SYDE2: variants seen among roughly 807,000 people sequenced by gnomAD.
SYDE2 encodes synapse defective Rho GTPase homolog 2.
SYDE2 carries 76 observed loss-of-function variants against 91.5 expected under a neutral mutation model. The ratio of observed to expected loss-of-function variants is 0.83; its 90% CI spans 0.69 to 1.01. The LOEUF is 1.01. Among genes scored for constraint, SYDE2 ranks in the 50% least tolerant of loss-of-function variants. The probability of loss-of-function intolerance (pLI) is 0.00; values close to 1 mark genes in which losing one functional copy is unlikely to be tolerated. For missense variants in SYDE2, 1,364 were observed against 1,367.7 expected, an observed-to-expected ratio of 1.00 and a Z score of 0.04; for synonymous variants, 513 against 506.4, an observed-to-expected ratio of 1.01 and a Z score of -0.18.
chr1:85,178,094 T>C, intron 4 of SYDE2, 52 bp downstream of exon 4: 1 of 1,379,306 alleles, frequency 7.3e-7, no homozygotes, highest in Non-Finnish European at 9.9e-7. Flanking sequence ...TTATCTTTCT[T>C]GCAGATGTAG....
intron 2 of SYDE2, among the ~76,000 whole-genome samples, 198 bp from the exon 3 acceptor site, chr1:85,183,398 T>A (rs1221506196): frequency 6.6e-6 from 1 of 152,072 alleles, no homozygotes; most frequent in East Asian, 1.9e-4. Context: ...ATTATCCCAA[T>A]TATTTAAAAT....
In SYDE2 at chr1:85,183,155, A is replaced by G; in HGVS notation, c.1487T>C (p.Met496Thr). Reference sequence around the variant, plus strand: ...GCTAGGATTTGGAGAAGATGGTTCCATAATTCCCAATTCAGTACTATTTGT... The same window carrying G: ...GCTAGGATTTGGAGAAGATGGTTCCGTAATTCCCAATTCAGTACTATTTGT... ...AATNSTELGI[M>T]EPSSPNPSPV... The change falls in exon 3 of 7, where the codon ATG (methionine) becomes ACG (threonine). Residue 496 changes from methionine to threonine, a missense_variant. Coordinates refer to ENST00000341460, the MANE Select transcript of SYDE2 (RefSeq NM_032184.2). 6.2e-6 allele frequency: 10 copies of G among 1,601,882 alleles called. No homozygotes were observed. Among genetic ancestry groups the G allele is most frequent in the Non-Finnish European group, 8.5e-6 (10 of 1,176,332 alleles).
rs760248225 is a variant in SYDE2 at position 85,182,620 on chromosome 1, AC to A, written c.2021del (p.Cys674PhefsTer9). On this transcript the variant is annotated frameshift_variant, in exon 3 of 7. Coordinates refer to ENST00000341460, the MANE Select transcript of SYDE2 (RefSeq NM_032184.2). LOFTEE classifies it high-confidence loss of function. ...TCATGAGCCCAGATATGTACTGTGA[AC>A]ACTTAGGTTGATCAGAAAAGCTATA... ...RHYSFSDQPK[C>X]SQYISGLMSV... The A allele has an allele frequency of 6.2e-7, 1 of 1,613,932 alleles. No individual in the cohort carries two copies. The highest frequency in any genetic ancestry group is 8.5e-7 in the Non-Finnish European group (1 of 1,179,848).
chr1:85,194,454 AATAC>A (rs1300392360), intron 1 of SYDE2, among the ~76,000 whole-genome samples: 2 of 147,992 alleles, frequency 1.4e-5, no homozygotes, highest in Non-Finnish European at 3.0e-5. Flanking sequence ...TATATATAAA[AATAC>A]ATACAATATA....
At chr1:85,173,510 T>C (rs1020431145) in intron 4 of SYDE2, among the ~76,000 whole-genome samples, 6 of 152,188 alleles carry the variant, frequency 3.9e-5, no homozygotes, top group African/African-American at 1.4e-4. Context: ...ACACAGTATA[T>C]AGCAGAGTTT....
chr1:85,155,065 A>AG (rs991985238), downstream of SYDE2, among the ~76,000 whole-genome samples: 2 of 151,744 alleles, frequency 1.3e-5, no homozygotes, highest in Admixed American at 6.6e-5. Context: ...AAAGAAAGAA[A>AG]AAAAAAATAG....
At chr1:85,189,633 C>T (rs893781042) in intron 2 of SYDE2, among the ~76,000 whole-genome samples, 2 of 152,094 alleles carry the variant, frequency 1.3e-5, no homozygotes, top group African/African-American at 2.4e-5. Flanking sequence ...GTCAGGAGTT[C>T]AAGACCAGCC....
At chr1:85,180,098 T>C (rs1570253097) in intron 3 of SYDE2, among the ~76,000 whole-genome samples, 1 of 152,156 alleles carries the variant, frequency 6.6e-6, no homozygotes, top group Non-Finnish European at 1.5e-5. Context: ...ATGATCTCCA[T>C]AGCAATTTTT....
rs746383363 is a variant in SYDE2 at position 85,182,763 on chromosome 1, G to A, written c.1879C>T (p.Pro627Ser). 48 of 1,613,690 alleles carry A rather than the reference G, an allele frequency of 3.0e-5. No individual in the cohort carries two copies. The Admixed American group carries it at 7.8e-4, about 26-fold the overall frequency. The change falls in exon 3 of 7, where the codon CCT becomes TCT. Residue 627 changes from proline to serine, a missense_variant. Physicochemically the swap from Pro to Ser is moderately conservative, Grantham distance 74. Transcript: ENST00000341460. Reference protein sequence around the residue: ...KGGYLSDGDSPELTTKASKHG... With the variant: ...KGGYLSDGDSSELTTKASKHG... ...TTGCTAGCTTTAGTTGTAAGTTCAG[G>A]TGAGTCTCCATCACTAAGGTAACCA...
intron 1 of SYDE2, among the ~76,000 whole-genome samples, chr1:85,192,781 A>G (rs1308772695): frequency 6.6e-6 from 1 of 152,136 alleles, no homozygotes; most frequent in Non-Finnish European, 1.5e-5. Flanking sequence ...ATTCAAATTT[A>G]AGCCTGTCTA....
chr1:85,155,833 A>G (rs1656869159), downstream of SYDE2, among the ~76,000 whole-genome samples: 1 of 152,234 alleles, frequency 6.6e-6, no homozygotes, highest in South Asian at 2.1e-4. Context: ...GGAAAACTAT[A>G]CATCTATTAA....
At chr1:85,155,059 AAAG>A (rs1656849732), downstream of SYDE2, among the ~76,000 whole-genome samples, 2 of 149,272 alleles carry the variant, frequency 1.3e-5, no homozygotes, top group Non-Finnish European at 3.0e-5. Flanking sequence ...GAAAGAAAAG[AAAG>A]AAAAAAAAAA....
At chr1:85,185,724 A>G (rs1658110916) in intron 2 of SYDE2, among the ~76,000 whole-genome samples, 1 of 151,948 alleles carries the variant, frequency 6.6e-6, no homozygotes, top group Admixed American at 6.6e-5. Flanking sequence ...TTTTCTAGAT[A>G]TACAATCATG....
Position 85,159,189 on chromosome 1 carries a change from A to G in SYDE2, c.3146T>C (p.Leu1049Pro). 2.6e-6 allele frequency: 2 copies of G among 780,802 alleles called. No individual in the cohort carries two copies. Among genetic ancestry groups the G allele is most frequent in the Non-Finnish European group, 4.8e-6 (2 of 417,976 alleles). The allele number at this position is 780,802 out of a possible 1,614,324, so 48.4% of individuals were successfully genotyped here. A position where few individuals can be genotyped will look rare whatever the true frequency, so the allele number is the denominator to read the frequency against. Residue 1049 changes from leucine (L) to proline (P), a missense_variant, in exon 7 of 7, where the codon CTG becomes CCG. Coordinates refer to ENST00000341460, the MANE Select transcript of SYDE2 (RefSeq NM_032184.2). ...DNLFPEQKSSLNYLRQKKERP... is the reference protein window; with the variant it reads ...DNLFPEQKSSPNYLRQKKERP... ...TTCTTTCTTCTGCCTCAGATAATTC[A>G]GAGAAGACTTCTGCTCTGGGAATAA...
chr1:85,180,369 G>A (rs1055614190), intron 3 of SYDE2, among the ~76,000 whole-genome samples: 1 of 152,002 alleles, frequency 6.6e-6, no homozygotes, highest in Non-Finnish European at 1.5e-5. Context: ...GAAAGAAGCA[G>A]GGGAAACAAA....
intron 4 of SYDE2, among the ~76,000 whole-genome samples, chr1:85,170,214 C>A (rs1374987620): frequency 1.3e-5 from 2 of 151,300 alleles, no homozygotes; most frequent in African/African-American, 4.9e-5. Flanking sequence ...AATCCTCCCA[C>A]CTCAGCCTCT....
In SYDE2 at chr1:85,157,637, T is replaced by C. The variant is rs1656914084; in HGVS notation, c.*1113A>G. ...CTTTTCCCAGGGGACATTGTGACTTTCTGTGAATAAAGGAAAGAAAGTCTA... is the reference window on the plus strand; with the variant it reads ...CTTTTCCCAGGGGACATTGTGACTTCCTGTGAATAAAGGAAAGAAAGTCTA... On this transcript the variant is annotated 3_prime_UTR_variant, in exon 7 of 7. Transcript: ENST00000341460. 2.0e-5 allele frequency: 3 copies of C among 152,316 alleles called. No individual in the cohort carries two copies. In the South Asian group the frequency reaches 6.2e-4, roughly 32 times the overall value. 9.4% of individuals were successfully genotyped at this position (152,316 alleles called of 1,614,324 possible).
intron 3 of SYDE2, among the ~76,000 whole-genome samples, chr1:85,179,381 C>T (rs1262932358): frequency 6.6e-6 from 1 of 152,062 alleles, no homozygotes; most frequent in Non-Finnish European, 1.5e-5. Context: ...TGATAGAATA[C>T]ACTATAAGGT....
Position 85,200,237 on chromosome 1 carries a change from C to T in SYDE2, c.745+15G>A, listed in dbSNP as rs774622143. On this transcript the variant is annotated intron_variant, in intron 1 of 6. Coordinates refer to ENST00000341460, the MANE Select transcript of SYDE2 (RefSeq NM_032184.2). The stretch of plus-strand genomic sequence containing the variant: ...AGGCTCGCGGTGCTAGCATTTTCAT[C>T]GCAAAGTATCCTACCTGTCAGCGTA... The T allele has an allele frequency of 1.5e-5, 25 of 1,613,694 alleles. No individual in the cohort carries two copies. Among genetic ancestry groups the T allele is most frequent in the Admixed American group, 3.3e-5 (2 of 60,008 alleles).
Sources: allele counts gnomAD v4.1 joint callset (sites outside exome capture counted in the v4.1 genomes callset), GRCh38; gene constraint gnomAD v4.1.1; transcripts MANE v1.5; gene names NCBI Gene and HGNC (gene_info 2026-07-23, HGNC 2026-07-21).